Variants in IQUB observed in about 807,000 individuals in gnomAD.
The protein encoded by IQUB is IQ motif and ubiquitin-like domain-containing protein.
In IQUB, 86 loss-of-function variants were observed where a neutral mutation model predicts 86.4. The ratio of observed to expected loss-of-function variants is 1.00; its 90% CI spans 0.84 to 1.19. The LOEUF (loss-of-function observed/expected upper bound fraction) is 1.19. Among genes scored for constraint, IQUB ranks in the 50% most tolerant of loss-of-function variants. The pLI is 0.00. For synonymous variants in IQUB, 289 were observed against 304.5 expected, an observed-to-expected ratio of 0.95 and a Z score of 0.53; for missense variants, 946 against 916.9, an observed-to-expected ratio of 1.03 and a Z score of -0.41.
chr7:123,525,416 T>C (rs1797147493), intron 1 of IQUB, among the ~76,000 whole-genome samples: 1 of 152,202 alleles, frequency 6.6e-6, no homozygotes, highest in Admixed American at 6.5e-5. Context: ...AACTTCTTCC[T>C]GGTTTAGTCT....
In IQUB at chr7:123,461,571, A is replaced by G. The variant is rs768986494; in HGVS notation, c.1793T>C (p.Ile598Thr). ...AAGCTGGCAACTGTGGCAAAAGTAAATCTTCTTATAAAATTTCAATGGGTC... is the reference window on the plus strand; with the variant it reads ...AAGCTGGCAACTGTGGCAAAAGTAAGTCTTCTTATAAAATTTCAATGGGTC... ...PQDPLKFYKKIYFCHSCQLYL... is the reference protein window; with the variant it reads ...PQDPLKFYKKTYFCHSCQLYL... The change falls in exon 11 of 13, where the codon ATT becomes ACT. Residue 598 changes from isoleucine (I) to threonine (T), a missense_variant. Physicochemically the swap from Ile to Thr is moderately conservative, Grantham distance 89. Coordinates refer to ENST00000324698, the MANE Select transcript of IQUB (RefSeq NM_178827.5). 7 of 1,611,194 alleles carry G rather than the reference A, an allele frequency of 4.3e-6. No homozygotes were observed. The highest frequency in any genetic ancestry group is 5.9e-6 in the Non-Finnish European group (7 of 1,178,314).
At chr7:123,456,659 A>G (rs1220046047) in intron 12 of IQUB, 1 of 152,096 alleles carries the variant, frequency 6.6e-6, no homozygotes, top group African/African-American at 2.4e-5. Context: ...AATGCAGAGA[A>G]TCAGTATTAA....
intron 1 of IQUB, among the ~76,000 whole-genome samples, chr7:123,515,438 A>T (rs966400715): frequency 2.6e-5 from 4 of 152,186 alleles, no homozygotes; most frequent in Admixed American, 6.5e-5. Context: ...TAATATTTAA[A>T]AAGGGTAAAA....
chr7:123,465,969 T>C (rs1188049248), intron 9 of IQUB, among the ~76,000 whole-genome samples: 1 of 152,084 alleles, frequency 6.6e-6, no homozygotes, highest in Non-Finnish European at 1.5e-5. Flanking sequence ...GGTTTAAAAT[T>C]CACTGGTCTG....
At chr7:123,516,638 T>C (rs989784508) in intron 1 of IQUB, among the ~76,000 whole-genome samples, 1 of 150,338 alleles carries the variant, frequency 6.7e-6, no homozygotes, top group African/African-American at 2.4e-5. Context: ...CAGAAAAGTA[T>C]GAAAGAAACT....
At chr7:123,475,202 C>A (rs531867717) in intron 8 of IQUB, among the ~76,000 whole-genome samples, 1 of 152,246 alleles carries the variant, frequency 6.6e-6, no homozygotes, top group South Asian at 2.1e-4. Context: ...CTCTTGAAAA[C>A]TTCCATTTTC....
intron 6 of IQUB, chr7:123,501,485 T>A (rs1795942205): frequency 1.3e-5 from 2 of 152,226 alleles, no homozygotes; most frequent in Non-Finnish European, 2.9e-5. Context: ...TTTTAGTGAC[T>A]GCTATCTTCT....
At chr7:123,523,837 G>A (rs1562876872) in intron 1 of IQUB, among the ~76,000 whole-genome samples, 1 of 152,146 alleles carries the variant, frequency 6.6e-6, no homozygotes, top group Non-Finnish European at 1.5e-5. Context: ...ATGGTTTTAG[G>A]TCTAATGTTT....
intron 1 of IQUB, 56 bp from the exon 2 acceptor site, chr7:123,512,400 A>T (rs1180448047): frequency 9.4e-7 from 1 of 1,064,534 alleles, no homozygotes; most frequent in Non-Finnish European, 1.3e-6. Flanking sequence ...TACACAAAAA[A>T]TCAAATTCAT....
chr7:123,457,258 A>G (rs973616124), intron 12 of IQUB, 123 bp downstream of exon 12: 56 of 1,437,574 alleles, frequency 3.9e-5, no homozygotes, highest in Non-Finnish European at 4.5e-5. Context: ...TTGTTAATCC[A>G]TAAGTTCTGT....
intron 7 of IQUB, among the ~76,000 whole-genome samples, 157 bp from the exon 8 acceptor site, chr7:123,480,127 G>A (rs751727475): frequency 6.6e-6 from 1 of 152,156 alleles, no homozygotes; most frequent in South Asian, 2.1e-4. Flanking sequence ...AAAAAGTGAC[G>A]AAATGGAAGC....
chr7:123,527,968 C>T (rs988896601), intron 1 of IQUB, among the ~76,000 whole-genome samples: 16 of 152,228 alleles, frequency 1.1e-4, no homozygotes, highest in Non-Finnish European at 1.5e-4. Context: ...ATTAGCGAGA[C>T]TCCGTGGGCG....
intron 9 of IQUB, among the ~76,000 whole-genome samples, 200 bp from the exon 10 acceptor site, chr7:123,465,209 AC>A (rs992993328): frequency 6.6e-5 from 10 of 151,956 alleles, no homozygotes; most frequent in African/African-American, 2.4e-4. Flanking sequence ...ACTATATACA[AC>A]AAAAACTTAA....
intron 8 of IQUB, among the ~76,000 whole-genome samples, chr7:123,477,917 C>T (rs28797590): frequency 0.013 from 1,974 of 152,192 alleles, 32 homozygotes; most frequent in African/African-American, 0.044. Context: ...GTTAGAATGG[C>T]GATCATTAAA....
intron 1 of IQUB, among the ~76,000 whole-genome samples, chr7:123,516,016 T>C (rs563239546): frequency 2.0e-5 from 3 of 152,364 alleles, no homozygotes; most frequent in African/African-American, 7.2e-5. Context: ...TATATGCGTT[T>C]ATTAAAATGT....
Position 123,512,044 on chromosome 7 carries a change from A to G in IQUB, c.297T>C (p.Tyr99=), listed in dbSNP as rs1796439442. ...SYTPQHHEKQ[Y]AMQRPNDDSL... ...TATCATCATTTGGCCTCTGCATTGC[A>G]TATTGCTTTTCATGATGTTGCGGAG... The change falls in exon 2 of 13, where the codon TAT becomes TAC. Residue 99 remains tyrosine, a synonymous_variant. Transcript: ENST00000324698. 2 of 1,613,718 alleles carry G rather than the reference A, an allele frequency of 1.2e-6. No individual in the cohort carries two copies. The highest frequency in any genetic ancestry group is 1.7e-6 in the Non-Finnish European group (2 of 1,179,780).
chr7:123,495,450 G>A (rs1795664271), intron 7 of IQUB, among the ~76,000 whole-genome samples: 1 of 151,830 alleles, frequency 6.6e-6, no homozygotes, highest in Non-Finnish European at 1.5e-5. Flanking sequence ...TGCAACTTGA[G>A]GAACAGAACA....
rs144483364 is a variant in IQUB, at chr7:123,509,994, G to A, written c.439C>T (p.Pro147Ser). 4.8e-5 allele frequency: 77 copies of A among 1,589,064 alleles called. No homozygotes were observed. In the African/African-American group the frequency reaches 8.2e-4, roughly 17 times the overall value. The change falls in exon 3 of 13, where the codon CCT (proline) becomes TCT (serine). Residue 147 changes from proline to serine, a missense_variant. Transcript: ENST00000324698. Reference sequence around the variant, plus strand: ...TTAAGAATGGTATCAACCTTAAAAGGTATTACAATTTCCTGGCCCACTGGA... The same window carrying A: ...TTAAGAATGGTATCAACCTTAAAAGATATTACAATTTCCTGGCCCACTGGA... ...LIPVGQEIVI[P>S]FKVDTILKYL...
intron 7 of IQUB, among the ~76,000 whole-genome samples, chr7:123,490,533 A>C (rs1028629436): frequency 1.2e-4 from 19 of 152,244 alleles, no homozygotes; most frequent in African/African-American, 4.6e-4. Flanking sequence ...CAACATTATC[A>C]ATTAACTTGA....
Sources: allele counts gnomAD v4.1 joint callset (sites outside exome capture counted in the v4.1 genomes callset), GRCh38; gene constraint gnomAD v4.1.1; transcripts MANE v1.5; gene names NCBI Gene and HGNC (gene_info 2026-07-23, HGNC 2026-07-21).